The following MCTP2 variants were observed in gnomAD, a reference collection of about 807,000 sequenced individuals.
MCTP2 encodes the protein multiple C2 and transmembrane domain containing 2, also known as multiple C2 and transmembrane domain-containing protein 2.
A neutral mutation model predicts 111.6 loss-of-function variants in MCTP2; 132 were observed. The observed-to-expected ratio is 1.18, with a 90% CI of 1.03 to 1.37. The LOEUF is 1.37. Ranked by LOEUF, MCTP2 falls within the 40% of genes most tolerant of loss-of-function variation. The pLI is 0.00. For synonymous variants in MCTP2, 395 were observed against 387.7 expected, an observed-to-expected ratio of 1.02 and a Z score of -0.22; for missense variants, 1,183 against 1,067.9, an observed-to-expected ratio of 1.11 and a Z score of -1.50.
chr15:94,259,132 C>G (rs1350690947), intron 1 of MCTP2, among the ~76,000 whole-genome samples: 1 of 152,204 alleles, frequency 6.6e-6, no homozygotes, highest in Non-Finnish European at 1.5e-5. Context: ...TGGGGACCCC[C>G]TTCACCCCAC....
chr15:94,379,319 G>C (rs2079966271), intron 12 of MCTP2, among the ~76,000 whole-genome samples: 1 of 151,964 alleles, frequency 6.6e-6, no homozygotes, highest in African/African-American at 2.4e-5. Flanking sequence ...TAGATTTCCA[G>C]AACTGATCAA....
At chr15:94,466,433 A>AT (rs1375558785) in intron 20 of MCTP2, among the ~76,000 whole-genome samples, 2 of 151,834 alleles carry the variant, frequency 1.3e-5, no homozygotes, top group African/African-American at 2.4e-5. Context: ...CCTTTCTTAA[A>AT]TTTTTTTGCT....
chr15:94,294,941 C>CTTTTTTT (rs71133001), intron 1 of MCTP2, among the ~76,000 whole-genome samples: 4 of 73,988 alleles, frequency 5.4e-5, no homozygotes, highest in African/African-American at 5.7e-5. Flanking sequence ...TTTTCTTTTC[C>CTTTTTTT]TTTTTTTTTT....
intron 1 of MCTP2, among the ~76,000 whole-genome samples, chr15:94,292,448 A>T (rs930696486): frequency 6.6e-6 from 1 of 152,222 alleles, no homozygotes; most frequent in Non-Finnish European, 1.5e-5. Context: ...AAGCCAATAT[A>T]AAAAAATTCA....
At chr15:94,345,016 A>G (rs1483498125) in intron 7 of MCTP2, 113 bp from the exon 8 acceptor site, 1 of 1,228,952 alleles carries the variant, frequency 8.1e-7, no homozygotes, top group Admixed American at 2.0e-5. Flanking sequence ...TTGGATATTA[A>G]TTATCTGAAT....
intron 14 of MCTP2, among the ~76,000 whole-genome samples, chr15:94,397,825 CT>C (rs1312361935): frequency 6.6e-6 from 1 of 152,154 alleles, no homozygotes; most frequent in Non-Finnish European, 1.5e-5. Flanking sequence ...ATTTCCTATG[CT>C]ATTGAAATTT....
At chr15:94,417,491 G>A (rs2082427223) in intron 17 of MCTP2, among the ~76,000 whole-genome samples, 1 of 151,610 alleles carries the variant, frequency 6.6e-6, no homozygotes, top group Non-Finnish European at 1.5e-5. Context: ...ACAAAAGATT[G>A]TTTGAGTGAG....
intron 1 of MCTP2, chr15:94,232,059 G>C (rs187286082): frequency 9.4e-4 from 143 of 152,294 alleles, no homozygotes; most frequent in African/African-American, 3.3e-3. Flanking sequence ...GAGACCCGGA[G>C]GTTCAACTTT....
At chr15:94,255,956 C>G (rs898628991) in intron 1 of MCTP2, among the ~76,000 whole-genome samples, 1 of 152,156 alleles carries the variant, frequency 6.6e-6, no homozygotes, top group Non-Finnish European at 1.5e-5. Flanking sequence ...GCAGGGATGA[C>G]TTTTATTTAC....
chr15:94,426,120 C>CAG (rs879822326), intron 17 of MCTP2, among the ~76,000 whole-genome samples: 7 of 129,094 alleles, frequency 5.4e-5, no homozygotes, highest in African/African-American at 1.8e-4. Flanking sequence ...TCTGAGATGC[C>CAG]AGAGAGAGAG....
At chr15:94,413,768 G>A in intron 17 of MCTP2, among the ~76,000 whole-genome samples, 1 of 152,062 alleles carries the variant, frequency 6.6e-6, no homozygotes, top group East Asian at 1.9e-4. Flanking sequence ...TTTAACATTA[G>A]ACAATACATA....
At chr15:94,435,432 A>T (rs1312671863) in intron 17 of MCTP2, among the ~76,000 whole-genome samples, 4 of 152,074 alleles carry the variant, frequency 2.6e-5, no homozygotes, top group African/African-American at 9.7e-5. Flanking sequence ...ATAAATGGAA[A>T]TTAAAAATTT....
intron 11 of MCTP2, 147 bp downstream of exon 11, chr15:94,367,938 A>G: frequency 1.5e-6 from 1 of 683,112 alleles, no homozygotes; most frequent in Non-Finnish European, 2.3e-6. Flanking sequence ...AAAACAAGAC[A>G]TCAGACTTAG....
At chr15:94,279,241 A>G (rs1406934813) in intron 1 of MCTP2, among the ~76,000 whole-genome samples, 3 of 152,138 alleles carry the variant, frequency 2.0e-5, no homozygotes, top group South Asian at 2.1e-4. Flanking sequence ...GATTCCTCCA[A>G]TTCAAGAGCA....
At chr15:94,231,778 C>T (rs2070190065) in intron 1 of MCTP2, 114 bp downstream of exon 1, 1 of 152,560 alleles carries the variant, frequency 6.6e-6, no homozygotes, top group African/African-American at 2.4e-5. Flanking sequence ...GCTGGAGGGT[C>T]CAGGATGAGA....
intron 5 of MCTP2, 97 bp downstream of exon 5, chr15:94,339,529 T>C: frequency 1.1e-6 from 1 of 932,554 alleles, no homozygotes; most frequent in East Asian, 2.6e-5. Flanking sequence ...AAATTAATTC[T>C]TTTATTAGGA....
chr15:94,301,655 G>A (rs1244216504), intron 2 of MCTP2, among the ~76,000 whole-genome samples: 1 of 151,982 alleles, frequency 6.6e-6, no homozygotes, highest in Non-Finnish European at 1.5e-5. Flanking sequence ...AGGTTACTTG[G>A]GTATTTGTGT....
intron 1 of MCTP2, among the ~76,000 whole-genome samples, chr15:94,255,057 A>G (rs371193181): frequency 2.6e-5 from 4 of 152,192 alleles, no homozygotes; most frequent in South Asian, 2.1e-4. Flanking sequence ...GAAGTTTTCT[A>G]TTGGAAGATC....
intron 14 of MCTP2, among the ~76,000 whole-genome samples, chr15:94,389,116 A>T (rs568466072): frequency 3.7e-4 from 56 of 152,318 alleles, no homozygotes; most frequent in Admixed American, 3.3e-3. Flanking sequence ...AGTAGGACGG[A>T]TGGGTTTAAG....
Sources: gnomAD v4.1 joint callset for allele counts (sites outside exome capture counted in the v4.1 genomes callset) on GRCh38, gnomAD v4.1.1 for gene constraint, MANE v1.5 for transcripts, NCBI Gene and HGNC (gene_info 2026-07-23, HGNC 2026-07-21) for gene names.